PDE1C: variants seen among roughly 807,000 people sequenced by gnomAD.
PDE1C encodes the protein phosphodiesterase 1C.
Under a neutral mutation model 93.1 loss-of-function variants are expected in PDE1C, and 62 were observed. The ratio of observed to expected loss-of-function variants is 0.67; its 90% CI spans 0.54 to 0.82. The LOEUF (loss-of-function observed/expected upper bound fraction) is 0.82. Among genes scored for constraint, PDE1C ranks in the 40% least tolerant of loss-of-function variants. The pLI is 0.00. For synonymous variants in PDE1C, 325 were observed against 310.1 expected (o/e 1.05, Z -0.50); for missense variants, 742 against 884.6 (o/e 0.84, Z 2.04).
chr7:32,264,501 G>A (rs900279206), intron 1 of PDE1C, among the ~76,000 whole-genome samples: 5 of 152,160 alleles, frequency 3.3e-5, no homozygotes, highest in Non-Finnish European at 7.3e-5. Flanking sequence ...TTTACACTCT[G>A]CTATTTTCAT....
chr7:32,134,294 G>C (rs1476726422), intron 3 of PDE1C, among the ~76,000 whole-genome samples: 1 of 152,092 alleles, frequency 6.6e-6, no homozygotes, highest in East Asian at 1.9e-4. Flanking sequence ...GATTCAGGAA[G>C]TTTAGAAAAC....
chr7:32,078,894 C>T (rs1270343817), intron 3 of PDE1C, among the ~76,000 whole-genome samples: 3 of 151,216 alleles, frequency 2.0e-5, no homozygotes, highest in Non-Finnish European at 2.9e-5. Context: ...GGATTACACT[C>T]CAGCCTTGGC....
intron 2 of PDE1C, among the ~76,000 whole-genome samples, chr7:31,966,122 T>G (rs1809913303): frequency 6.6e-6 from 1 of 152,136 alleles, no homozygotes; most frequent in African/African-American, 2.4e-5. Flanking sequence ...TAACCTTAAA[T>G]GTAAATGGGC....
At chr7:31,703,823 C>T in the PDE1C span, among the ~76,000 whole-genome samples, 1 of 152,206 alleles carries the variant, frequency 6.6e-6, no homozygotes, top group African/African-American at 2.4e-5. Context: ...TACCTTCACT[C>T]CCCTTAGTTA....
At chr7:32,421,584 AT>A (rs1180859630) in intron 1 of PDE1C, among the ~76,000 whole-genome samples, 1 of 152,222 alleles carries the variant, frequency 6.6e-6, no homozygotes, top group African/African-American at 2.4e-5. Flanking sequence ...ATGGGAGCCA[AT>A]GATCGAGATT....
the PDE1C span, among the ~76,000 whole-genome samples, chr7:31,712,556 G>A: frequency 1.3e-5 from 2 of 152,154 alleles, no homozygotes; most frequent in African/African-American, 2.4e-5. Flanking sequence ...CCTACTCTCA[G>A]GAGTCAGTAG....
At chr7:31,696,935 G>T in the PDE1C span, 1 of 1,609,178 alleles carries the variant, frequency 6.2e-7, no homozygotes, top group Non-Finnish European at 8.5e-7. Flanking sequence ...ATTTGATCCT[G>T]TTTCTCTCTG....
chr7:31,965,712 G>C (rs376298255), intron 2 of PDE1C, among the ~76,000 whole-genome samples: 2 of 152,176 alleles, frequency 1.3e-5, no homozygotes, highest in African/African-American at 4.8e-5. Context: ...CAGAGAGAAA[G>C]GTCGGGTTAC....
intron 2 of PDE1C, among the ~76,000 whole-genome samples, chr7:31,983,033 G>A (rs1453557223): frequency 6.6e-6 from 1 of 152,150 alleles, no homozygotes; most frequent in Admixed American, 6.5e-5. Flanking sequence ...AAAATCGTTA[G>A]GGAAATTTCC....
rs78929308 is a variant in PDE1C, at chr7:32,070,294, G to T, written c.100C>A (p.Leu34Met). 1 of 1,614,184 alleles carries T rather than the reference G, an allele frequency of 6.2e-7. No individual in the cohort carries two copies. Among genetic ancestry groups the T allele is most frequent in the Non-Finnish European group, 8.5e-7 (1 of 1,180,014 alleles). The change falls in exon 1 of 18, where the codon CTG (leucine) becomes ATG (methionine). Residue 34 changes from leucine to methionine, a missense_variant and splice_region_variant. Physicochemically the swap from Leu to Met is conservative, Grantham distance 15 (BLOSUM62 2). This residue lies in a region of PDE1C where 74 missense variants were observed against 88.2 expected (regional missense o/e 0.84). Transcript: ENST00000396191. ...GGAGAAGTAAATAGGTATACTTACA[G>T]CCCGCGGAGCCGAAGCCAGATTTTC... ...IEKIWLRLRG[L>M]RKYKKTSQRL... is the part of the protein sequence containing the mutation.
chr7:32,003,304 T>C (rs980265683), intron 2 of PDE1C, among the ~76,000 whole-genome samples: 3 of 152,228 alleles, frequency 2.0e-5, no homozygotes, highest in Non-Finnish European at 4.4e-5. Flanking sequence ...CCAGGAACTA[T>C]GATAGAATTC....
chr7:31,657,356 T>G, the PDE1C span, among the ~76,000 whole-genome samples: 1 of 152,362 alleles, frequency 6.6e-6, no homozygotes, highest in Admixed American at 6.5e-5. Flanking sequence ...GGAGTCCTGC[T>G]TCTGTCTGCG....
chr7:32,294,195 C>G (rs1048938383), intron 1 of PDE1C, among the ~76,000 whole-genome samples: 1 of 152,208 alleles, frequency 6.6e-6, no homozygotes, highest in Non-Finnish European at 1.5e-5. Context: ...CCCCTCAAGC[C>G]TCCGATTGCT....
intron 2 of PDE1C, among the ~76,000 whole-genome samples, chr7:32,039,476 A>C (rs765554053): frequency 2.6e-5 from 4 of 152,194 alleles, no homozygotes; most frequent in Non-Finnish European, 4.4e-5. Flanking sequence ...TAAAGAACTG[A>C]TTGTAGAAAA....
intron 2 of PDE1C, among the ~76,000 whole-genome samples, chr7:32,036,859 T>G (rs1377486966): frequency 6.6e-6 from 1 of 152,186 alleles, no homozygotes; most frequent in African/African-American, 2.4e-5. Context: ...TTTTGAAATG[T>G]AAATCCACAG....
chr7:32,150,854 T>C (rs1801202103), intron 3 of PDE1C, among the ~76,000 whole-genome samples: 1 of 152,132 alleles, frequency 6.6e-6, no homozygotes, highest in East Asian at 1.9e-4. Context: ...GAGCTTTAAG[T>C]ACAGTATCTT....
At chr7:32,157,539 G>T (rs1801651329) in intron 3 of PDE1C, among the ~76,000 whole-genome samples, 2 of 2,002 alleles carry the variant, frequency 1.0e-3, no homozygotes, top group East Asian at 0.077. Flanking sequence ...CTTCCAGAGT[G>T]GAGCCAGCCA....
chr7:32,159,080 T>C (rs984280077), intron 3 of PDE1C, among the ~76,000 whole-genome samples: 2 of 152,172 alleles, frequency 1.3e-5, no homozygotes, highest in African/African-American at 4.8e-5. Flanking sequence ...CCATTCAATA[T>C]ATGCATCGAT....
chr7:31,910,200 C>A (rs1801059891), intron 2 of PDE1C, among the ~76,000 whole-genome samples: 1 of 152,198 alleles, frequency 6.6e-6, no homozygotes, highest in Non-Finnish European at 1.5e-5. Flanking sequence ...TGAAGATGGT[C>A]CTTTTCCCCA....
Sources: allele counts gnomAD v4.1 joint callset (sites outside exome capture counted in the v4.1 genomes callset), GRCh38; gene constraint gnomAD v4.1.1; regional missense constraint gnomAD v4.1.1; transcripts MANE v1.5; gene names NCBI Gene and HGNC (gene_info 2026-07-23, HGNC 2026-07-21).